MEF2C: variants seen among roughly 807,000 people sequenced by gnomAD.
MEF2C encodes myocyte enhancer factor 2C.
A neutral mutation model predicts 50.5 loss-of-function variants in MEF2C; 6 were observed. That is an observed-to-expected ratio of 0.12 (90% CI 0.07 to 0.23). The LOEUF (loss-of-function observed/expected upper bound fraction) is 0.23, where lower values mean the gene tolerates loss of function less well. Among genes scored for constraint, MEF2C ranks in the 10% least tolerant of loss-of-function variants. MEF2C has a pLI of 1.00. For synonymous variants in MEF2C, 183 were observed against 228.0 expected (o/e 0.80, Z 1.78); for missense variants, 276 against 605.0 (o/e 0.46, Z 5.70).
intron 1 of MEF2C, among the ~76,000 whole-genome samples, chr5:88,856,381 G>A (rs1554046154): frequency 6.6e-6 from 1 of 152,198 alleles, no homozygotes; most frequent in Non-Finnish European, 1.5e-5. Context: ...CAGAAAATTT[G>A]CAGTCTGACA....
At chr5:88,857,585 T>A (rs1823900813) in intron 1 of MEF2C, among the ~76,000 whole-genome samples, 1 of 152,176 alleles carries the variant, frequency 6.6e-6, no homozygotes, top group Non-Finnish European at 1.5e-5. Flanking sequence ...TCCCCACTTG[T>A]AATGGGAGAG....
At chr5:88,792,274 G>GT (rs1794132506) in intron 3 of MEF2C, among the ~76,000 whole-genome samples, 1 of 152,110 alleles carries the variant, frequency 6.6e-6, no homozygotes, top group African/African-American at 2.4e-5. Flanking sequence ...AGCTCACACA[G>GT]TTAATGTTCC....
chr5:88,736,841 G>A (rs1764330483), intron 6 of MEF2C: 1 of 985,218 alleles, frequency 1.0e-6, no homozygotes, highest in African/African-American at 1.7e-5. Flanking sequence ...ATGGTCCTCG[G>A]AATATATGCA....
intron 1 of MEF2C, among the ~76,000 whole-genome samples, chr5:88,851,163 G>T (rs898157165): frequency 1.4e-4 from 21 of 150,316 alleles, no homozygotes; most frequent in Admixed American, 1.3e-3. Flanking sequence ...AACCCGGGAG[G>T]TGGAGGTTGC....
At chr5:88,829,421 C>G (rs755774382) in intron 1 of MEF2C, among the ~76,000 whole-genome samples, 1 of 151,932 alleles carries the variant, frequency 6.6e-6, no homozygotes, top group Non-Finnish European at 1.5e-5. Flanking sequence ...TGTATGTTTG[C>G]TTGTCTTCCT....
intron 2 of MEF2C, among the ~76,000 whole-genome samples, chr5:88,813,939 C>T (rs151169192): frequency 6.6e-6 from 1 of 151,782 alleles, no homozygotes; most frequent in Non-Finnish European, 1.5e-5. Context: ...TATTTCAGGT[C>T]GGCTACTCCA....
chr5:88,777,886 A>C (rs113956689), intron 3 of MEF2C, among the ~76,000 whole-genome samples: 3,641 of 142,240 alleles, frequency 0.026, 99 homozygotes, highest in Non-Finnish European at 0.028. Context: ...AAAGGGTGCT[A>C]AATTTTTCTT....
Position 88,881,866 on chromosome 5 carries a change from T to C in MEF2C, c.-143+1089A>G, listed in dbSNP as rs184250140. ...AGATTCACAATAGTAAAACGCACTT[T>C]GTGTCAAAGCAATTCTCCACTGAGG... On this transcript the variant is annotated intron_variant, in intron 1 of 10. Coordinates refer to ENST00000504921, the MANE Select transcript of MEF2C (RefSeq NM_002397.5). Among the ~76,000 whole-genome samples, 414 of 152,292 alleles carry C rather than the reference T, an allele frequency of 2.7e-3. 3 individuals are homozygous for C. Among genetic ancestry groups the C allele is most frequent in the African/African-American group, 9.6e-3 (399 of 41,562 alleles).
intron 7 of MEF2C, among the ~76,000 whole-genome samples, chr5:88,731,231 T>C (rs1477031406): frequency 6.6e-6 from 1 of 152,204 alleles, no homozygotes; most frequent in African/African-American, 2.4e-5. Flanking sequence ...AGGCATGCGA[T>C]GTATTAGATA....
intron 1 of MEF2C, among the ~76,000 whole-genome samples, chr5:88,854,131 ATTT>A (rs1822388802): frequency 6.6e-6 from 1 of 152,182 alleles, no homozygotes; most frequent in South Asian, 2.1e-4. Flanking sequence ...TAAGAACCAT[ATTT>A]TTGGTGAGAC....
At chr5:88,773,649 GGT>G (rs1783434588) in intron 3 of MEF2C, among the ~76,000 whole-genome samples, 1 of 152,170 alleles carries the variant, frequency 6.6e-6, no homozygotes, top group African/African-American at 2.4e-5. Context: ...TTTCTGGATA[GGT>G]GTCCTACAGG....
In MEF2C at chr5:88,731,909, C is replaced by CA. The variant is rs754587449; in HGVS notation, c.638-9dup. 3.1e-6 allele frequency: 5 copies of CA among 1,600,114 alleles called. No individual in the cohort carries two copies. Among genetic ancestry groups the CA allele is most frequent in the Non-Finnish European group, 2.6e-6 (3 of 1,172,992 alleles). ...GATTGCCATACCCGTTCCCTGTTAACAAAAAACAATAAAGCATTTAGGAAG... is the reference window on the plus strand; with the variant it reads ...GATTGCCATACCCGTTCCCTGTTAACAAAAAAACAATAAAGCATTTAGGAAG... On this transcript the variant is annotated splice_polypyrimidine_tract_variant and intron_variant, in intron 6 of 10. Coordinates refer to ENST00000504921, the MANE Select transcript of MEF2C (RefSeq NM_002397.5).
At chr5:88,870,662 AAGG>A (rs1235304950) in intron 1 of MEF2C, among the ~76,000 whole-genome samples, 2 of 152,120 alleles carry the variant, frequency 1.3e-5, no homozygotes, top group Non-Finnish European at 2.9e-5. Flanking sequence ...ATGTGTTTTA[AAGG>A]AGTTCTTTGT....
chr5:88,805,962 C>G (rs547657633), intron 2 of MEF2C, among the ~76,000 whole-genome samples: 4 of 145,360 alleles, frequency 2.8e-5, no homozygotes, highest in Admixed American at 7.1e-5. Flanking sequence ...CTATAAAATA[C>G]TCCTTAAGAA....
chr5:88,863,417 T>C (rs554726986), intron 1 of MEF2C, among the ~76,000 whole-genome samples: 26 of 152,382 alleles, frequency 1.7e-4, no homozygotes, highest in Non-Finnish European at 3.2e-4. Context: ...AGACATTTTA[T>C]TGGCAGAGCC....
intron 1 of MEF2C, among the ~76,000 whole-genome samples, chr5:88,854,221 T>C (rs1209409799): frequency 6.6e-6 from 1 of 152,206 alleles, no homozygotes; most frequent in Non-Finnish European, 1.5e-5. Flanking sequence ...AATAAATAGA[T>C]ACTATTGCCA....
Position 88,761,260 on chromosome 5 carries a change from G to A in MEF2C, c.327C>T (p.His109=), listed in dbSNP as rs1463267275. 1 of 1,614,020 alleles carries A rather than the reference G, an allele frequency of 6.2e-7. No homozygotes were observed. Among genetic ancestry groups the A allele is most frequent in the Non-Finnish European group, 8.5e-7 (1 of 1,179,882 alleles). The change falls in exon 4 of 11, where the codon CAC becomes CAT. Residue 109 remains histidine, a synonymous_variant. Transcript: ENST00000504921. Reference sequence around the variant, plus strand: ...TGTACTTGTCCTCAGACTCAGGGCTGTGACCTACGGAATCGTCCGCATCGG... The same window carrying A: ...TGTACTTGTCCTCAGACTCAGGGCTATGACCTACGGAATCGTCCGCATCGG... The part of the protein sequence containing the change: ...PDPDADDSVG[H]SPESEDKYRK...
chr5:88,869,607 A>G (rs79820174), intron 1 of MEF2C, among the ~76,000 whole-genome samples: 6,411 of 151,520 alleles, frequency 0.042, 176 homozygotes, highest in Non-Finnish European at 0.063. Flanking sequence ...GACATTTCAA[A>G]TTCTGTTAAC....
chr5:88,874,455 T>C (rs570878494), intron 1 of MEF2C, among the ~76,000 whole-genome samples: 1 of 152,116 alleles, frequency 6.6e-6, no homozygotes, highest in African/African-American at 2.4e-5. Context: ...TATTGACTCA[T>C]ATATATATTA....
Sources: allele counts gnomAD v4.1 joint callset (sites outside exome capture counted in the v4.1 genomes callset), GRCh38; gene constraint gnomAD v4.1.1; transcripts MANE v1.5; gene names NCBI Gene and HGNC (gene_info 2026-07-23, HGNC 2026-07-21).